The following JMJD7 variants were observed in gnomAD, a reference collection of about 807,000 sequenced individuals.
The protein encoded by JMJD7 is bifunctional peptidase and (3S)-lysyl hydroxylase JMJD7.
Under a neutral mutation model 41.1 loss-of-function variants are expected in JMJD7, and 41 were observed. The observed-to-expected ratio is 1.00, with a 90% confidence interval of 0.78 to 1.30. JMJD7 has a LOEUF of 1.30. Ranked by LOEUF, JMJD7 falls within the 50% of genes most tolerant of loss-of-function variation. The pLI is 0.00. For missense variants in JMJD7, 480 were observed against 420.7 expected (o/e 1.14, Z -1.23); for synonymous variants, 202 against 177.2 (o/e 1.14, Z -1.11).
chr15:41,837,004 G>A, intron 7 of JMJD7, 64 bp downstream of exon 7: 5 of 1,608,946 alleles, frequency 3.1e-6, no homozygotes, highest in Non-Finnish European at 4.3e-6. Flanking sequence ...CCTCTGGGGG[G>A]AGGCTTGGGA....
intron 1 of JMJD7, among the ~76,000 whole-genome samples, chr15:41,833,669 C>T (rs947656809): frequency 3.3e-5 from 5 of 151,912 alleles, no homozygotes; most frequent in Non-Finnish European, 7.4e-5. Flanking sequence ...ATCCTCCTGC[C>T]TCTGCCTCCC....
Position 41,835,042 on chromosome 15 carries a change from T to A in JMJD7, c.291T>A (p.Asp97Glu), listed in dbSNP as rs748383621. Residue 97 changes from aspartate (D) to glutamate (E), a missense_variant, in exon 3 of 8, where the codon GAT becomes GAA. By Grantham distance (45) the Asp-to-Glu change is conservative (BLOSUM62 2). Coordinates refer to ENST00000397299, the MANE Select transcript of JMJD7 (RefSeq NM_001114632.2). ...PDGYADAVRG[D>E]RFMMPAERRL... is the part of the protein sequence containing the mutation. The stretch of plus-strand genomic sequence containing the variant: ...GTTACGCGGATGCCGTGAGAGGGGA[T>A]CGCTTCATGATGCCAGCTGAGCGCC... 4 of 1,613,896 alleles carry A rather than the reference T, an allele frequency of 2.5e-6. No homozygotes were observed. Among genetic ancestry groups the A allele is most frequent in the Non-Finnish European group, 3.4e-6 (4 of 1,180,038 alleles).
intron 1 of JMJD7, among the ~76,000 whole-genome samples, chr15:41,831,298 C>T (rs752357805): frequency 6.6e-6 from 1 of 152,142 alleles, no homozygotes; most frequent in Admixed American, 6.5e-5. Context: ...GCAGGCATGC[C>T]AGCTCTTTCT....
rs976633397 is a variant in JMJD7, at chr15:41,837,430, G to A, written c.*274G>A. 13 of 506,970 alleles carry A rather than the reference G, an allele frequency of 2.6e-5. No individual in the cohort carries two copies. The highest frequency in any genetic ancestry group is 2.5e-4 in the African/African-American group (13 of 51,736). 31.4% of individuals were successfully genotyped at this position (506,970 alleles called of 1,614,324 possible). ...ACCTCTCCCCAGCGCTGTGATGTTG[G>A]GCGAGTCACTGCGTCTCGGGCATTG... is the stretch of plus-strand genomic sequence containing the variant. On this transcript the variant is annotated 3_prime_UTR_variant, in exon 8 of 8. Coordinates refer to ENST00000397299, the MANE Select transcript of JMJD7 (RefSeq NM_001114632.2).
chr15:41,831,306 T>C (rs1268071817), intron 1 of JMJD7, among the ~76,000 whole-genome samples: 1 of 152,256 alleles, frequency 6.6e-6, no homozygotes, highest in African/African-American at 2.4e-5. Context: ...GCCAGCTCTT[T>C]CTTTTCCAGT....
Position 41,837,409 on chromosome 15 carries a change from C to T in JMJD7, c.*253C>T, listed in dbSNP as rs993455810. ...GTGGGGATCAGGTGCAGCGGCACCT[C>T]TCCCCAGCGCTGTGATGTTGGGCGA... On this transcript the variant is annotated 3_prime_UTR_variant, in exon 8 of 8. Coordinates refer to ENST00000397299, the MANE Select transcript of JMJD7 (RefSeq NM_001114632.2). The T allele has an allele frequency of 3.7e-6, 2 of 539,044 alleles. No individual in the cohort carries two copies. Among genetic ancestry groups the T allele is most frequent in the Non-Finnish European group, 6.6e-6 (2 of 303,328 alleles). The allele number at this position is 539,044 out of a possible 1,614,324, so 33.4% of individuals were successfully genotyped here. A position where few individuals can be genotyped will look rare whatever the true frequency, so the allele number is the denominator to read the frequency against.
chr15:41,836,977 G>T lies in JMJD7; in HGVS notation c.862+37G>T, dbSNP rs558810927. 99 of 1,609,904 alleles carry T rather than the reference G, an allele frequency of 6.1e-5. No individual in the cohort carries two copies. The East Asian group carries it at 2.2e-3, about 35-fold the overall frequency. On this transcript the variant is annotated intron_variant, in intron 7 of 7. Coordinates refer to ENST00000397299, the MANE Select transcript of JMJD7 (RefSeq NM_001114632.2). ...CCCAGGCCGCCTGGGGAGAGGCCCT[G>T]TCAAGGTCCAGCAGGGCCTCTGGGG...
intron 1 of JMJD7, among the ~76,000 whole-genome samples, chr15:41,831,305 T>C (rs2140874827): frequency 6.6e-6 from 1 of 152,270 alleles, no homozygotes; most frequent in East Asian, 1.9e-4. Context: ...TGCCAGCTCT[T>C]TCTTTTCCAG....
chr15:41,836,970 A>T (rs7165230), intron 7 of JMJD7, 30 bp downstream of exon 7: 321,440 of 1,608,650 alleles, frequency 0.2, 33,866 homozygotes, highest in African/African-American at 0.33. Flanking sequence ...GCCTGGGGAG[A>T]GGCCCTGTCA....
chr15:41,836,757 C>T (rs916546474), intron 6 of JMJD7, 24 bp from the exon 7 acceptor site: 2 of 1,585,642 alleles, frequency 1.3e-6, no homozygotes, highest in East Asian at 2.3e-5. Flanking sequence ...GGGGGCTGCT[C>T]CCTGGCATCT....
intron 1 of JMJD7, among the ~76,000 whole-genome samples, chr15:41,831,693 G>T (rs753794374): frequency 1.3e-5 from 2 of 152,126 alleles, no homozygotes; most frequent in Non-Finnish European, 2.9e-5. Context: ...CTGAACACTC[G>T]TTGGGACACC....
chr15:41,829,796 C>T (rs1396360314), intron 1 of JMJD7, among the ~76,000 whole-genome samples: 1 of 152,184 alleles, frequency 6.6e-6, no homozygotes. Flanking sequence ...AGGCTGTGTG[C>T]AGTACTCACG....
At position 41,836,791 on chromosome 15, in the gene JMJD7, T is replaced by TC. The variant is rs2065325502; in HGVS notation, c.716dup (p.Leu240ThrfsTer13). The TC allele has an allele frequency of 6.2e-7, 1 of 1,608,718 alleles. No individual in the cohort carries two copies. Among genetic ancestry groups the TC allele is most frequent in the African/African-American group, 1.3e-5 (1 of 74,786 alleles). ...CTGATGTGTTCCCAGGTGCCCTGGA[T>TC]CCCACTGGACCCCTTGGCGCCAGAC... On this transcript the variant is annotated frameshift_variant, in exon 7 of 8. Transcript: ENST00000397299. LOFTEE classifies it high-confidence loss of function.
chr15:41,833,735 T>C (rs1258389433), intron 1 of JMJD7, among the ~76,000 whole-genome samples: 4 of 152,016 alleles, frequency 2.6e-5, no homozygotes, highest in African/African-American at 9.7e-5. Context: ...ATATATAGCA[T>C]GTCAGATGGT....
chr15:41,828,238 C>A, intron 1 of JMJD7, 50 bp downstream of exon 1: 1 of 1,479,404 alleles, frequency 6.8e-7, no homozygotes. Context: ...CGGGAGGGGC[C>A]CTGGGATGCC....
chr15:41,836,514 G>A lies in JMJD7; in HGVS notation c.665G>A (p.Gly222Asp), dbSNP rs1256233276. The A allele has an allele frequency of 1.9e-6, 3 of 1,592,728 alleles. No individual in the cohort carries two copies. Among genetic ancestry groups the A allele is most frequent in the Admixed American group, 1.8e-5 (1 of 56,366 alleles). Reference sequence around the variant, plus strand: ...GCAACCTACCAGCTAACTGAAGAGGGCACCTTTAAGGTGGTGGATGAAGAG... The same window carrying A: ...GCAACCTACCAGCTAACTGAAGAGGACACCTTTAAGGTGGTGGATGAAGAG... Reference protein sequence around the residue: ...TPATYQLTEEGTFKVVDEEAM... With the variant: ...TPATYQLTEEDTFKVVDEEAM... The change falls in exon 6 of 8, where the codon GGC (glycine) becomes GAC (aspartate). Residue 222 changes from glycine (G) to aspartate (D), a missense_variant. Physicochemically the swap from Gly to Asp is moderately conservative, Grantham distance 94. Transcript: ENST00000397299.
intron 1 of JMJD7, among the ~76,000 whole-genome samples, chr15:41,829,970 G>A (rs886858912): frequency 2.6e-5 from 4 of 152,200 alleles, no homozygotes; most frequent in African/African-American, 9.7e-5. Context: ...CAGTTTTGAT[G>A]ACAGTGGCGG....
At chr15:41,829,514 A>C (rs2065196283) in intron 1 of JMJD7, among the ~76,000 whole-genome samples, 1 of 152,224 alleles carries the variant, frequency 6.6e-6, no homozygotes, top group Non-Finnish European at 1.5e-5. Flanking sequence ...GGCTGGTCTC[A>C]GATTCCTCAA....
rs189663135 is a variant in JMJD7, at chr15:41,829,871, C to G, written c.64+1683C>G. ...ATCTCTTGAGGCCAGGAGTTCAAGACCAGCGTGGGCAACATAGTGAGACAC... is the reference window on the plus strand; with the variant it reads ...ATCTCTTGAGGCCAGGAGTTCAAGAGCAGCGTGGGCAACATAGTGAGACAC... On this transcript the variant is annotated intron_variant, in intron 1 of 7. Coordinates refer to ENST00000397299, the MANE Select transcript of JMJD7 (RefSeq NM_001114632.2). Among the ~76,000 whole-genome samples, 195 of 152,300 alleles carry G rather than the reference C, an allele frequency of 1.3e-3. 1 individual carries two copies. Among genetic ancestry groups the G allele is most frequent in the Non-Finnish European group, 2.4e-3 (166 of 68,028 alleles).
Sources: gnomAD v4.1 joint callset for allele counts (sites outside exome capture counted in the v4.1 genomes callset) on GRCh38, gnomAD v4.1.1 for gene constraint, MANE v1.5 for transcripts, NCBI Gene and HGNC (gene_info 2026-07-23, HGNC 2026-07-21) for gene names.